The following ERBB4 variants were observed in gnomAD, a reference collection of about 807,000 sequenced individuals.
ERBB4 encodes the protein receptor tyrosine-protein kinase erbB-4.
A neutral mutation model predicts 158.0 loss-of-function variants in ERBB4; 42 were observed. The observed-to-expected ratio is 0.27, with a 90% CI of 0.21 to 0.34. The LOEUF is 0.34. Ranked by LOEUF, ERBB4 falls within the 10% of genes least tolerant of loss-of-function variation. The pLI, the probability that ERBB4 is intolerant of heterozygous loss-of-function variation, is 1.00. For missense variants in ERBB4, 1,333 were observed against 1,624.1 expected, an observed-to-expected ratio of 0.82 and a Z score of 3.08; for synonymous variants, 583 against 558.7, an observed-to-expected ratio of 1.04 and a Z score of -0.61.
chr2:211,455,626 C>A (rs1307664057), intron 20 of ERBB4, among the ~76,000 whole-genome samples: 2 of 152,082 alleles, frequency 1.3e-5, no homozygotes, highest in African/African-American at 4.8e-5. Context: ...CAAAACAGTT[C>A]ATATTATGTT....
intron 1 of ERBB4, among the ~76,000 whole-genome samples, chr2:212,125,384 T>C (rs1351170662): frequency 6.6e-6 from 1 of 152,222 alleles, no homozygotes; most frequent in African/African-American, 2.4e-5. Context: ...AACTAGCACC[T>C]ACAAGACCTC....
At chr2:212,373,116 G>C (rs1472787466) in intron 1 of ERBB4, among the ~76,000 whole-genome samples, 1 of 152,100 alleles carries the variant, frequency 6.6e-6, no homozygotes, top group Non-Finnish European at 1.5e-5. Context: ...TTTATTAAGT[G>C]GTTAGTATAT....
chr2:211,980,299 C>G (rs2081752370), intron 2 of ERBB4, among the ~76,000 whole-genome samples: 1 of 152,068 alleles, frequency 6.6e-6, no homozygotes, highest in African/African-American at 2.4e-5. Context: ...TTGCCAAGAA[C>G]TTTTGAGAGA....
intron 3 of ERBB4, among the ~76,000 whole-genome samples, chr2:211,896,090 T>C (rs2079090511): frequency 6.6e-6 from 1 of 152,150 alleles, no homozygotes; most frequent in Non-Finnish European, 1.5e-5. Context: ...CCAGGTGTTT[T>C]CACCAAGTTT....
At chr2:212,140,373 C>G (rs2080414426) in intron 1 of ERBB4, among the ~76,000 whole-genome samples, 1 of 119,692 alleles carries the variant, frequency 8.4e-6, no homozygotes, top group Admixed American at 7.7e-5. Context: ...ATAGTAATAT[C>G]TATATGTTTA....
At chr2:212,001,069 C>A (rs1014661088) in intron 2 of ERBB4, among the ~76,000 whole-genome samples, 4 of 151,934 alleles carry the variant, frequency 2.6e-5, no homozygotes, top group Non-Finnish European at 5.9e-5. Flanking sequence ...GGTTTCCCAA[C>A]ATGTAAATTT....
chr2:212,053,531 C>A (rs147704147), intron 2 of ERBB4, among the ~76,000 whole-genome samples: 527 of 152,296 alleles, frequency 3.5e-3, no homozygotes, highest in Admixed American at 6.5e-3. Context: ...TATCCATTCT[C>A]CACTCTGCTG....
intron 12 of ERBB4, among the ~76,000 whole-genome samples, chr2:211,690,517 A>T (rs540868731): frequency 6.6e-6 from 1 of 152,164 alleles, no homozygotes; most frequent in East Asian, 1.9e-4. Context: ...TCAGGGAAAC[A>T]ATATCTATTG....
intron 20 of ERBB4, among the ~76,000 whole-genome samples, chr2:211,432,275 CAG>C (rs2063761001): frequency 6.6e-6 from 1 of 152,134 alleles, no homozygotes. Flanking sequence ...CTGTGGAAAA[CAG>C]ACACATAAAT....
intron 7 of ERBB4, among the ~76,000 whole-genome samples, chr2:211,716,231 G>A (rs1436345026): frequency 6.6e-6 from 1 of 151,792 alleles, no homozygotes; most frequent in Non-Finnish European, 1.5e-5. Context: ...GCATGGTGGC[G>A]CATGCCTGTA....
At chr2:211,582,220 T>C (rs1014565990) in intron 19 of ERBB4, among the ~76,000 whole-genome samples, 3 of 152,336 alleles carry the variant, frequency 2.0e-5, no homozygotes, top group Non-Finnish European at 4.4e-5. Context: ...AGACAGCTTT[T>C]TAAGGGTAGG....
chr2:211,844,157 GATGA>G (rs1433773213), intron 3 of ERBB4, among the ~76,000 whole-genome samples: 3 of 151,944 alleles, frequency 2.0e-5, no homozygotes, highest in Admixed American at 6.6e-5. Flanking sequence ...TGACTTACTA[GATGA>G]ATGAACACAT....
chr2:212,279,964 CTCAT>C (rs1446487427), intron 1 of ERBB4, among the ~76,000 whole-genome samples: 12 of 151,618 alleles, frequency 7.9e-5, no homozygotes, highest in African/African-American at 2.4e-4. Context: ...CCTAACAAAA[CTCAT>C]TCATTTCAAA....
In ERBB4 at chr2:211,825,852, A is replaced by C. The variant is rs948279672; in HGVS notation, c.422-37693T>G. Among the ~76,000 whole-genome samples, 6 of 146,930 alleles carry C rather than the reference A, an allele frequency of 4.1e-5. No homozygotes were observed. In the East Asian group the frequency reaches 1.2e-3, roughly 29 times the overall value. ...GTATTAATATATTACACTATATTTT[A>C]TTATATTATATTAATCTACAATATA... On this transcript the variant is annotated intron_variant, in intron 3 of 27. Transcript: ENST00000342788.
chr2:212,366,440 T>G (rs188364136), intron 1 of ERBB4, among the ~76,000 whole-genome samples: 1 of 152,062 alleles, frequency 6.6e-6, no homozygotes, highest in East Asian at 1.9e-4. Flanking sequence ...TGTTACAAAT[T>G]ACACCTTTCA....
intron 3 of ERBB4, among the ~76,000 whole-genome samples, chr2:211,834,960 T>C (rs74870032): frequency 0.044 from 6,663 of 152,204 alleles, 250 homozygotes; most frequent in Non-Finnish European, 0.066. Flanking sequence ...ACTTTTTTCC[T>C]AAGCTAATGT....
At chr2:211,404,152 A>G (rs2063100837) in intron 25 of ERBB4, among the ~76,000 whole-genome samples, 1 of 152,074 alleles carries the variant, frequency 6.6e-6, no homozygotes, top group Non-Finnish European at 1.5e-5. Flanking sequence ...CTTCAGCTTC[A>G]GCGTTATTTT....
intron 5 of ERBB4, among the ~76,000 whole-genome samples, chr2:211,736,453 TCTA>T: frequency 6.6e-6 from 1 of 152,168 alleles, no homozygotes; most frequent in East Asian, 1.9e-4. Flanking sequence ...GATTTTATAA[TCTA>T]CTAACAAGTT....
chr2:211,565,509 G>C (rs1431881604), intron 19 of ERBB4, among the ~76,000 whole-genome samples: 2 of 152,146 alleles, frequency 1.3e-5, no homozygotes, highest in Non-Finnish European at 2.9e-5. Context: ...TGGAAAATGG[G>C]GGCAGGGAAG....
Sources: gnomAD v4.1 joint callset for allele counts (sites outside exome capture counted in the v4.1 genomes callset) on GRCh38, gnomAD v4.1.1 for gene constraint, MANE v1.5 for transcripts, NCBI Gene and HGNC (gene_info 2026-07-23, HGNC 2026-07-21) for gene names.